Variants in DPY19L3 observed in about 807,000 individuals in gnomAD.
DPY19L3 encodes the protein dpy-19 like C-mannosyltransferase 3, also known as protein C-mannosyl-transferase DPY19L3.
In DPY19L3, 51 loss-of-function variants were observed where a neutral mutation model predicts 92.3. The observed-to-expected ratio is 0.55, with a 90% CI of 0.44 to 0.70. The LOEUF (loss-of-function observed/expected upper bound fraction) is 0.70, where lower values mean the gene tolerates loss of function less well. Among genes scored for constraint, DPY19L3 ranks in the 30% least tolerant of loss-of-function variants. DPY19L3 has a pLI of 0.00. For synonymous variants in DPY19L3, 309 were observed against 315.2 expected, an observed-to-expected ratio of 0.98 and a Z score of 0.21; for missense variants, 706 against 855.9, an observed-to-expected ratio of 0.82 and a Z score of 2.18.
intron 3 of DPY19L3, 40 bp downstream of exon 3, chr19:32,411,412 G>T (rs1437869275): frequency 1.9e-6 from 3 of 1,610,160 alleles, no homozygotes; most frequent in Non-Finnish European, 2.5e-6. Context: ...TCACTCAGTG[G>T]GATCTCCAGT....
At chr19:32,469,697 T>C (rs1457767161) in intron 16 of DPY19L3, among the ~76,000 whole-genome samples, 2 of 152,152 alleles carry the variant, frequency 1.3e-5, no homozygotes, top group African/African-American at 2.4e-5. Context: ...AATGCTTTAG[T>C]GTCCTATTGG....
chr19:32,477,381 A>T, intron 16 of DPY19L3, 141 bp from the exon 17 acceptor site: 1 of 1,127,442 alleles, frequency 8.9e-7, no homozygotes, highest in South Asian at 1.6e-5. Context: ...TCAAAACCGA[A>T]GCAAACTCCC....
intron 15 of DPY19L3, among the ~76,000 whole-genome samples, 193 bp downstream of exon 15, chr19:32,464,977 A>G (rs1382855346): frequency 6.6e-6 from 1 of 152,278 alleles, no homozygotes; most frequent in Non-Finnish European, 1.5e-5. Flanking sequence ...AAGTAAAAAC[A>G]TGATAGCGAA....
intron 1 of DPY19L3, among the ~76,000 whole-genome samples, chr19:32,407,134 A>G (rs1318472139): frequency 6.6e-6 from 1 of 152,082 alleles, no homozygotes; most frequent in African/African-American, 2.4e-5. Flanking sequence ...GTCACATTTA[A>G]GAAATAATTA....
At chr19:32,460,867 G>GTTTTGTTTTGCTC (rs1555724744) in intron 12 of DPY19L3, among the ~76,000 whole-genome samples, 4 of 151,798 alleles carry the variant, frequency 2.6e-5, no homozygotes, top group Non-Finnish European at 5.9e-5. Flanking sequence ...GTTTTGTTTT[G>GTTTTGTTTTGCTC]TTTTGTTTTG....
At chr19:32,458,558 C>T (rs1460193914) in intron 12 of DPY19L3, 49 bp downstream of exon 12, 1 of 1,552,062 alleles carries the variant, frequency 6.4e-7, no homozygotes, top group East Asian at 2.3e-5. Flanking sequence ...GAACTTGTTC[C>T]ATGTTGCAGA....
At chr19:32,466,729 T>C (rs1386175742) in intron 15 of DPY19L3, among the ~76,000 whole-genome samples, 1 of 152,254 alleles carries the variant, frequency 6.6e-6, no homozygotes, top group Non-Finnish European at 1.5e-5. Flanking sequence ...TGAGGAATCC[T>C]CCAAAAGACT....
chr19:32,464,734 A>C lies in DPY19L3; in HGVS notation c.1564A>C (p.Ile522Leu). 1 of 1,492,078 alleles carries C rather than the reference A, an allele frequency of 6.7e-7. No homozygotes were observed. The highest frequency in any genetic ancestry group is 9.1e-7 in the Non-Finnish European group (1 of 1,094,708). The allele number at this position is 1,492,078 out of a possible 1,614,324, so 92.4% of individuals were successfully genotyped here. A position where few individuals can be genotyped will look rare whatever the true frequency, so the allele number is the denominator to read the frequency against. Residue 522 changes from isoleucine to leucine, a missense_variant, in exon 15 of 19, where the codon ATA becomes CTA. By Grantham distance (5) the Ile-to-Leu change is conservative. Transcript: ENST00000392250. The stretch of plus-strand genomic sequence containing the variant: ...TAATGTCTTTCTTATATAGATATGT[A>C]TAATGCGATATTCAGTACCGATATT... ...VHLYNPKRIC[I>L]MRYSVPILIL... is the part of the protein sequence containing the mutation.
chr19:32,432,030 A>G (rs1270563592), intron 3 of DPY19L3, among the ~76,000 whole-genome samples: 4 of 152,212 alleles, frequency 2.6e-5, no homozygotes, highest in African/African-American at 9.6e-5. Flanking sequence ...TGCTCAACCT[A>G]TAAATAAAGT....
In DPY19L3 at chr19:32,484,065, A is replaced by G. The variant is rs1970739584; in HGVS notation, c.*1825A>G. The G allele has an allele frequency of 6.6e-6, 1 of 152,564 alleles. No individual in the cohort carries two copies. The highest frequency in any genetic ancestry group is 1.5e-5 in the Non-Finnish European group (1 of 68,026). 9.5% of individuals were successfully genotyped at this position (152,564 alleles called of 1,614,324 possible). The stretch of plus-strand genomic sequence containing the variant: ...ATTTGGGCATTTGGAGTCTTAATAT[A>G]CAAGAAACACGTACTTAAATTTTTA... On this transcript the variant is annotated 3_prime_UTR_variant, in exon 19 of 19. Transcript: ENST00000392250.
chr19:32,437,437 T>G, intron 6 of DPY19L3, 98 bp downstream of exon 6: 1 of 1,419,890 alleles, frequency 7.0e-7, no homozygotes, highest in Non-Finnish European at 9.5e-7. Flanking sequence ...GCCACATTTG[T>G]TTGGTTGGGA....
intron 2 of DPY19L3, among the ~76,000 whole-genome samples, chr19:32,410,944 A>G (rs1968157060): frequency 6.6e-6 from 1 of 152,262 alleles, no homozygotes; most frequent in Non-Finnish European, 1.5e-5. Flanking sequence ...TACGGTTGTT[A>G]AACTGTGCCG....
chr19:32,424,422 A>G (rs1470904044), intron 3 of DPY19L3, among the ~76,000 whole-genome samples: 1 of 151,500 alleles, frequency 6.6e-6, no homozygotes, highest in Non-Finnish European at 1.5e-5. Flanking sequence ...AACTGATAAG[A>G]CACACAAGCC....
At chr19:32,449,302 G>A (rs1045864073) in intron 8 of DPY19L3, among the ~76,000 whole-genome samples, 1 of 152,144 alleles carries the variant, frequency 6.6e-6, no homozygotes, top group Non-Finnish European at 1.5e-5. Context: ...GATAATTCAC[G>A]TTCTTGGATT....
intron 9 of DPY19L3, among the ~76,000 whole-genome samples, chr19:32,454,723 A>G (rs957283616): frequency 6.6e-6 from 1 of 152,238 alleles, no homozygotes; most frequent in African/African-American, 2.4e-5. Context: ...TCCTCATCGT[A>G]TGAAGCTCAT....
At chr19:32,465,044 G>A (rs1409985712) in intron 15 of DPY19L3, among the ~76,000 whole-genome samples, 4 of 152,150 alleles carry the variant, frequency 2.6e-5, no homozygotes, top group African/African-American at 4.8e-5. Flanking sequence ...TTAATATTCA[G>A]CTGATGCAAA....
At chr19:32,460,437 G>T (rs1231225133) in intron 12 of DPY19L3, among the ~76,000 whole-genome samples, 4 of 152,016 alleles carry the variant, frequency 2.6e-5, no homozygotes, top group East Asian at 1.9e-4. Context: ...TGTAATAAAA[G>T]ATTAAACATT....
chr19:32,438,867 G>A (rs903500843), intron 6 of DPY19L3: 2 of 359,224 alleles, frequency 5.6e-6, no homozygotes, highest in South Asian at 9.3e-5. Context: ...GCTAACCTGG[G>A]CTTGAACCCT....
rs1950754598 is a variant in DPY19L3, at chr19:32,483,398, T to C, written c.*1158T>C. The stretch of plus-strand genomic sequence containing the variant: ...TCAAAATTTTTTTGATAATCGCTTA[T>C]ATAATTAATTTCTAATGATGAGGAC... On this transcript the variant is annotated 3_prime_UTR_variant, in exon 19 of 19. Transcript: ENST00000392250. 2 of 152,764 alleles carry C rather than the reference T, an allele frequency of 1.3e-5. No individual in the cohort carries two copies. Among genetic ancestry groups the C allele is most frequent in the South Asian group, 4.1e-4 (2 of 4,826 alleles). 9.5% of individuals were successfully genotyped at this position (152,764 alleles called of 1,614,324 possible).
Sources: allele counts gnomAD v4.1 joint callset (sites outside exome capture counted in the v4.1 genomes callset), GRCh38; gene constraint gnomAD v4.1.1; transcripts MANE v1.5; gene names NCBI Gene and HGNC (gene_info 2026-07-23, HGNC 2026-07-21).